Variants in OR2L13 observed in about 807,000 individuals in gnomAD.
The protein encoded by OR2L13 is olfactory receptor family 2 subfamily L member 13, also known as olfactory receptor 2L13.
In OR2L13, 14 loss-of-function variants were observed where a neutral mutation model predicts 15.3. That is an observed-to-expected ratio of 0.91 (90% CI 0.60 to 1.43). OR2L13 has a LOEUF of 1.43. Among genes scored for constraint, OR2L13 ranks in the 40% most tolerant of loss-of-function variants. The pLI, the probability that OR2L13 is intolerant of heterozygous loss-of-function variation, is 0.00. For missense variants in OR2L13, 367 were observed against 387.9 expected (o/e 0.95, Z 0.45); for synonymous variants, 152 against 142.9 (o/e 1.06, Z -0.45).
At chr1:247,978,500 C>A in the OR2L13 span, among the ~76,000 whole-genome samples, 40,212 of 152,078 alleles carry the variant, frequency 0.26, 9,053 homozygotes, top group African/African-American at 0.61. Flanking sequence ...AAGTAAATGT[C>A]ATTATGCATT....
chr1:247,994,324 G>A, the OR2L13 span, among the ~76,000 whole-genome samples: 9 of 152,276 alleles, frequency 5.9e-5, no homozygotes, highest in African/African-American at 1.9e-4. Flanking sequence ...GTGAACCCGG[G>A]AGGCGGAGCT....
the OR2L13 span, among the ~76,000 whole-genome samples, chr1:247,995,362 A>T: frequency 6.6e-6 from 1 of 152,222 alleles, no homozygotes; most frequent in Admixed American, 6.5e-5. Context: ...ATCTGTTACC[A>T]TCAGTGGCTT....
the OR2L13 span, chr1:248,038,739 C>T: frequency 6.2e-7 from 1 of 1,614,076 alleles, no homozygotes; most frequent in Non-Finnish European, 8.5e-7. Context: ...CTCTTGTGCT[C>T]ACACAGTATA....
the OR2L13 span, among the ~76,000 whole-genome samples, chr1:248,026,114 A>G: frequency 1.3e-5 from 2 of 152,158 alleles, no homozygotes; most frequent in African/African-American, 4.8e-5. Flanking sequence ...AAAAAGAAAA[A>G]TCATTTGGCA....
chr1:248,057,265 G>A, the OR2L13 span, among the ~76,000 whole-genome samples: 4 of 151,914 alleles, frequency 2.6e-5, no homozygotes, highest in Non-Finnish European at 5.9e-5. Context: ...ATTGTGTAGG[G>A]GTCTAAGTCT....
At chr1:247,960,584 G>A in the OR2L13 span, among the ~76,000 whole-genome samples, 11 of 152,290 alleles carry the variant, frequency 7.2e-5, no homozygotes, top group South Asian at 2.3e-3. Flanking sequence ...GCGGTGGGCT[G>A]CACCCAGTTC....
At chr1:248,072,520 A>T in the OR2L13 span, among the ~76,000 whole-genome samples, 1 of 152,146 alleles carries the variant, frequency 6.6e-6, no homozygotes, top group Non-Finnish European at 1.5e-5. Context: ...AAACCATAAA[A>T]ACCCTAGAAG....
chr1:248,008,548 G>A, the OR2L13 span, among the ~76,000 whole-genome samples: 1 of 151,692 alleles, frequency 6.6e-6, no homozygotes, highest in South Asian at 2.1e-4. Flanking sequence ...ACTTCCTTTT[G>A]TACTTACAAA....
upstream of OR2L13, among the ~76,000 whole-genome samples, chr1:248,094,370 A>G (rs1664670533): frequency 6.6e-6 from 1 of 152,204 alleles, no homozygotes; most frequent in Non-Finnish European, 1.5e-5. Flanking sequence ...TAACCAATGT[A>G]TGGATTAAAG....
the OR2L13 span, chr1:248,023,319 C>A: frequency 6.6e-6 from 1 of 152,446 alleles, no homozygotes; most frequent in South Asian, 2.1e-4. Flanking sequence ...ATGTGTTCCT[C>A]TTTTTGCTAA....
At chr1:247,985,168 T>C in the OR2L13 span, among the ~76,000 whole-genome samples, 2 of 152,108 alleles carry the variant, frequency 1.3e-5, no homozygotes, top group Admixed American at 1.3e-4. Flanking sequence ...TAGTTACATA[T>C]GTATACATGT....
chr1:248,099,736 C>G lies in OR2L13; in HGVS notation c.361C>G (p.Arg121Gly), dbSNP rs768923821. Reference sequence around the variant, plus strand: ...ACTCCTGACCTCCATGGCCTACGACCGTTATTTGGCCATCTGCCACTCTCT... The same window carrying G: ...ACTCCTGACCTCCATGGCCTACGACGGTTATTTGGCCATCTGCCACTCTCT... The change falls in exon 3 of 3, where the codon CGT (arginine) becomes GGT (glycine). Residue 121 changes from arginine to glycine, a missense_variant. Transcript: ENST00000641714. 7 of 1,614,078 alleles carry G rather than the reference C, an allele frequency of 4.3e-6. No individual in the cohort carries two copies. The South Asian group carries it at 7.7e-5, about 18-fold the overall frequency.
chr1:248,050,043 T>C, the OR2L13 span, among the ~76,000 whole-genome samples: 1 of 152,194 alleles, frequency 6.6e-6, no homozygotes, highest in African/African-American at 2.4e-5. Flanking sequence ...TGAACTCCAA[T>C]AGAATCACGG....
At chr1:248,031,603 C>T in the OR2L13 span, among the ~76,000 whole-genome samples, 478 of 152,202 alleles carry the variant, frequency 3.1e-3, 3 homozygotes, top group African/African-American at 9.2e-3. Flanking sequence ...CTGGCACCAC[C>T]GCAGGCAGAG....
chr1:248,061,434 T>C, the OR2L13 span: 5 of 1,614,106 alleles, frequency 3.1e-6, no homozygotes, highest in East Asian at 2.2e-5. Context: ...CTTTCTACTA[T>C]GCACCTTTTG....
the OR2L13 span, among the ~76,000 whole-genome samples, chr1:248,043,061 G>T: frequency 6.6e-6 from 1 of 152,108 alleles, no homozygotes; most frequent in Non-Finnish European, 1.5e-5. Flanking sequence ...CACCACTCTT[G>T]CTCCTTCTGG....
the OR2L13 span, chr1:247,949,334 T>C: frequency 6.2e-7 from 1 of 1,614,110 alleles, no homozygotes; most frequent in Non-Finnish European, 8.5e-7. Flanking sequence ...GTGCTCACAC[T>C]GTATATGTAC....
chr1:247,966,167 C>A, the OR2L13 span: 1 of 1,614,028 alleles, frequency 6.2e-7, no homozygotes, highest in Non-Finnish European at 8.5e-7. Context: ...AGGCCACACT[C>A]CTTGCGTTCC....
At chr1:248,092,811 C>G (rs1265053516), upstream of OR2L13, among the ~76,000 whole-genome samples, 2 of 152,086 alleles carry the variant, frequency 1.3e-5, no homozygotes, top group Non-Finnish European at 2.9e-5. Context: ...ATATCCATCA[C>G]CGCTCCAACT....
Sources: allele counts gnomAD v4.1 joint callset (sites outside exome capture counted in the v4.1 genomes callset), GRCh38; gene constraint gnomAD v4.1.1; transcripts MANE v1.5; gene names NCBI Gene and HGNC (gene_info 2026-07-23, HGNC 2026-07-21).